The following TMEFF2 variants were observed in gnomAD, a reference collection of about 807,000 sequenced individuals.
TMEFF2 encodes the protein transmembrane protein with EGF like and two follistatin like domains 2, also known as tomoregulin-2.
In TMEFF2, 28 loss-of-function variants were observed where a neutral mutation model predicts 53.8. That is an observed-to-expected ratio of 0.52 (90% CI 0.39 to 0.71). The LOEUF (loss-of-function observed/expected upper bound fraction) is 0.71. Among genes scored for constraint, TMEFF2 ranks in the 30% least tolerant of loss-of-function variants. The probability of loss-of-function intolerance (pLI) is 0.00; values close to 1 mark genes in which losing one functional copy is unlikely to be tolerated. For missense variants in TMEFF2, 353 were observed against 455.2 expected (o/e 0.78, Z 2.04); for synonymous variants, 162 against 166.3 (o/e 0.97, Z 0.20).
chr2:191,955,618 C>T (rs550518924), intron 8 of TMEFF2, among the ~76,000 whole-genome samples: 44 of 135,768 alleles, frequency 3.2e-4, no homozygotes, highest in African/African-American at 7.8e-4. Flanking sequence ...TCCCAAAATG[C>T]GGGATTACAG....
intron 4 of TMEFF2, among the ~76,000 whole-genome samples, chr2:192,120,559 T>C (rs1689525983): frequency 6.6e-6 from 1 of 152,174 alleles, no homozygotes; most frequent in African/African-American, 2.4e-5. Context: ...AGAGAGCACC[T>C]TTGTGCCTTG....
At chr2:192,118,826 G>GC (rs1481931963) in intron 4 of TMEFF2, among the ~76,000 whole-genome samples, 1 of 151,960 alleles carries the variant, frequency 6.6e-6, no homozygotes, top group Non-Finnish European at 1.5e-5. Flanking sequence ...AATTTTCATA[G>GC]CCCTTTATTC....
At chr2:192,021,855 A>G (rs543274220) in intron 5 of TMEFF2, 2 of 152,166 alleles carry the variant, frequency 1.3e-5, no homozygotes, top group African/African-American at 4.8e-5. Flanking sequence ...AAATACAGGA[A>G]CTAAGTCCTT....
At position 192,093,276 on chromosome 2, in the gene TMEFF2, A is replaced by G. The variant is rs372411575; in HGVS notation, c.440-35501T>C. Among the ~76,000 whole-genome samples, 353 of 152,326 alleles carry G rather than the reference A, an allele frequency of 2.3e-3. 4 individuals carry two copies. The highest frequency in any genetic ancestry group is 0.017 in the Middle Eastern group (5 of 294). The stretch of plus-strand genomic sequence containing the variant: ...AAGCAGGTAGTAAGACAAATAAAAC[A>G]AGGAGATAGTGATGTTTTAGTGCTA... On this transcript the variant is annotated intron_variant, in intron 4 of 9. Transcript: ENST00000272771.
intron 4 of TMEFF2, among the ~76,000 whole-genome samples, chr2:192,117,629 A>T (rs1468556765): frequency 6.6e-6 from 1 of 152,096 alleles, no homozygotes; most frequent in African/African-American, 2.4e-5. Flanking sequence ...ATGCCCAAGT[A>T]ACAAAAGGAC....
intron 7 of TMEFF2, among the ~76,000 whole-genome samples, chr2:191,984,573 G>A (rs138440325): frequency 3.9e-5 from 6 of 152,198 alleles, no homozygotes; most frequent in Admixed American, 3.9e-4. Flanking sequence ...TAAATTTAAT[G>A]GGCATTACTA....
Position 192,172,747 on chromosome 2 carries a change from G to T in TMEFF2, c.439+6921C>A, listed in dbSNP as rs551026742. Among the ~76,000 whole-genome samples, 20 of 152,022 alleles carry T rather than the reference G, an allele frequency of 1.3e-4. No individual in the cohort carries two copies. In the South Asian group the frequency reaches 4.1e-3, roughly 32 times the overall value. Reference sequence around the variant, plus strand: ...GATTTCAGAATCAAAAGTTAAAGTGGGAAGGGGATGAGGAGATGTAATAAT... The same window carrying T: ...GATTTCAGAATCAAAAGTTAAAGTGTGAAGGGGATGAGGAGATGTAATAAT... On this transcript the variant is annotated intron_variant, in intron 4 of 9. Coordinates refer to ENST00000272771, the MANE Select transcript of TMEFF2 (RefSeq NM_016192.4).
intron 5 of TMEFF2, among the ~76,000 whole-genome samples, chr2:192,013,893 T>G (rs999325667): frequency 6.6e-6 from 1 of 152,212 alleles, no homozygotes; most frequent in Admixed American, 6.5e-5. Context: ...AATAAATATT[T>G]GTTGAAAAAA....
chr2:192,074,892 ATGAAG>A (rs914486331), intron 4 of TMEFF2, among the ~76,000 whole-genome samples: 2 of 151,948 alleles, frequency 1.3e-5, no homozygotes, highest in Non-Finnish European at 2.9e-5. Flanking sequence ...TCATCTTCTC[ATGAAG>A]TGGAGAGAAT....
rs115535586 is a variant in TMEFF2, at chr2:192,089,702, C to G, written c.440-31927G>C. On this transcript the variant is annotated intron_variant, in intron 4 of 9. Coordinates refer to ENST00000272771, the MANE Select transcript of TMEFF2 (RefSeq NM_016192.4). ...ACAGTCATGTCACCAGGCTTCAGAC[C>G]AAGTTATTCCTCTTCCAAGCTGTAT... is the stretch of plus-strand genomic sequence containing the variant. 3.9e-3 allele frequency among the ~76,000 whole-genome samples: 596 copies of G among 152,212 alleles called. 4 individuals are homozygous for G. Among genetic ancestry groups the G allele is most frequent in the African/African-American group, 0.014 (570 of 41,538 alleles).
At chr2:192,019,617 T>G (rs1364503287) in intron 5 of TMEFF2, among the ~76,000 whole-genome samples, 1 of 152,002 alleles carries the variant, frequency 6.6e-6, no homozygotes, top group African/African-American at 2.4e-5. Flanking sequence ...GCACAAAATA[T>G]TACATTTTTA....
intron 4 of TMEFF2, among the ~76,000 whole-genome samples, chr2:192,069,383 T>G (rs1016895597): frequency 6.6e-6 from 1 of 151,656 alleles, no homozygotes; most frequent in African/African-American, 2.4e-5. Flanking sequence ...ATACTTCATT[T>G]TAAATCATCA....
rs1296994769 is a variant in TMEFF2 at position 192,054,120 on chromosome 2, C to G, written c.536+3559G>C. ...ACAGCCGTGGCCACTTAGCCCCCAT[C>G]TGGAGGTTCAGGCTTATTCTGCATC... On this transcript the variant is annotated intron_variant, in intron 5 of 9. Coordinates refer to ENST00000272771, the MANE Select transcript of TMEFF2 (RefSeq NM_016192.4). 2.0e-5 allele frequency among the ~76,000 whole-genome samples: 3 copies of G among 151,832 alleles called. No individual in the cohort carries two copies. The East Asian group carries it at 5.8e-4, about 29-fold the overall frequency.
intron 4 of TMEFF2, among the ~76,000 whole-genome samples, chr2:192,105,552 G>T (rs1689126739): frequency 6.6e-6 from 1 of 151,820 alleles, no homozygotes; most frequent in Admixed American, 6.6e-5. Context: ...GAGCTGTTAG[G>T]TATGTTGTCC....
chr2:191,957,082 A>G (rs914921781), intron 7 of TMEFF2, among the ~76,000 whole-genome samples: 1 of 152,240 alleles, frequency 6.6e-6, no homozygotes, highest in African/African-American at 2.4e-5. Flanking sequence ...TAAACTTACG[A>G]TAACGAATAA....
intron 4 of TMEFF2, among the ~76,000 whole-genome samples, chr2:192,172,582 AG>A (rs1206808163): frequency 6.6e-6 from 1 of 151,978 alleles, no homozygotes; most frequent in Non-Finnish European, 1.5e-5. Context: ...AATACCTTAG[AG>A]TGAATACTTA....
At chr2:192,139,422 G>A (rs190361406) in intron 4 of TMEFF2, among the ~76,000 whole-genome samples, 14 of 152,244 alleles carry the variant, frequency 9.2e-5, no homozygotes, top group African/African-American at 3.4e-4. Context: ...CACAAAATAA[G>A]AGCAAAGATT....
intron 4 of TMEFF2, among the ~76,000 whole-genome samples, chr2:192,146,938 C>T (rs1574414101): frequency 6.6e-6 from 1 of 152,216 alleles, no homozygotes; most frequent in East Asian, 1.9e-4. Flanking sequence ...TATAATAAAA[C>T]ATAAACATTT....
chr2:192,120,925 G>A (rs1321595915), intron 4 of TMEFF2, among the ~76,000 whole-genome samples: 7 of 151,856 alleles, frequency 4.6e-5, no homozygotes, highest in African/African-American at 1.4e-4. Context: ...TAGTAGAGAC[G>A]GGGTTTCACT....
Sources: gnomAD v4.1 joint callset for allele counts (sites outside exome capture counted in the v4.1 genomes callset) on GRCh38, gnomAD v4.1.1 for gene constraint, MANE v1.5 for transcripts, NCBI Gene and HGNC (gene_info 2026-07-23, HGNC 2026-07-21) for gene names.